Variants in FASTKD2 observed in about 807,000 individuals in gnomAD.
FASTKD2 encodes the protein FAST kinase domain-containing protein 2, mitochondrial.
In FASTKD2, 51 loss-of-function variants were observed where a neutral mutation model predicts 63.6. The ratio of observed to expected loss-of-function variants is 0.80; its 90% CI spans 0.64 to 1.01. FASTKD2 has a LOEUF of 1.01. Ranked by LOEUF, FASTKD2 falls within the 50% of genes least tolerant of loss-of-function variation. The probability of loss-of-function intolerance (pLI) is 0.00; values close to 1 mark genes in which losing one functional copy is unlikely to be tolerated. For missense variants in FASTKD2, 786 were observed against 831.1 expected (o/e 0.95, Z 0.67); for synonymous variants, 284 against 293.4 (o/e 0.97, Z 0.33).
At chr2:206,773,664 A>G (rs890442608) in intron 6 of FASTKD2, among the ~76,000 whole-genome samples, 3 of 152,216 alleles carry the variant, frequency 2.0e-5, no homozygotes, top group Admixed American at 6.5e-5. Context: ...AATTGGTTAT[A>G]GAAAGAGAAG....
At chr2:206,790,989 T>C in intron 11 of FASTKD2, 1 of 323,822 alleles carries the variant, frequency 3.1e-6, no homozygotes, top group Non-Finnish European at 5.9e-6. Context: ...CACAAAACCA[T>C]ATTTAATTTC....
chr2:206,770,220 A>G (rs759602973), intron 3 of FASTKD2, 26 bp downstream of exon 3: 47 of 1,390,042 alleles, frequency 3.4e-5, no homozygotes, highest in Non-Finnish European at 4.3e-5. Flanking sequence ...TGCTTTCTTC[A>G]TGTGGTTTTC....
At chr2:206,785,362 A>C (rs953946023) in intron 7 of FASTKD2, among the ~76,000 whole-genome samples, 3 of 152,148 alleles carry the variant, frequency 2.0e-5, no homozygotes, top group Middle Eastern at 3.2e-3. Flanking sequence ...GGGTCAGGGG[A>C]TATCAGGCAG....
chr2:206,781,301 A>G (rs996207604), intron 7 of FASTKD2, among the ~76,000 whole-genome samples: 5 of 83,564 alleles, frequency 6.0e-5, no homozygotes, highest in Non-Finnish European at 1.2e-4. Flanking sequence ...AACTTTTTCT[A>G]TGATTTTTTT....
intron 11 of FASTKD2, chr2:206,790,925 A>G (rs1011222769): frequency 4.3e-6 from 2 of 464,560 alleles, no homozygotes; most frequent in African/African-American, 3.9e-5. Context: ...GTCAGCTTTA[A>G]TCCTTTTTTG....
chr2:206,768,977 C>G (rs1689597681), intron 2 of FASTKD2, among the ~76,000 whole-genome samples: 3 of 152,098 alleles, frequency 2.0e-5, no homozygotes, highest in South Asian at 4.1e-4. Context: ...ATCACCTTAC[C>G]TGGTCAGTGA....
intron 5 of FASTKD2, 72 bp downstream of exon 5, chr2:206,772,089 A>C: frequency 3.1e-6 from 5 of 1,600,858 alleles, no homozygotes; most frequent in Non-Finnish European, 4.3e-6. Flanking sequence ...TTTTGTTTTA[A>C]AAACTTTGCT....
chr2:206,772,258 G>A lies in FASTKD2; in HGVS notation c.1192G>A (p.Asp398Asn). The change falls in exon 6 of 12, where the codon GAT (aspartate) becomes AAT (asparagine). Residue 398 changes from aspartate to asparagine, a missense_variant. By Grantham distance (23) the Asp-to-Asn change is conservative. Coordinates refer to ENST00000402774, the MANE Select transcript of FASTKD2 (RefSeq NM_001136193.2). ...SCKDLQYHNLDLFKGLADYVA... is the reference protein window; with the variant it reads ...SCKDLQYHNLNLFKGLADYVA... ...CAAAGACCTCCAGTACCATAATTTG[G>A]ATCTCTTCAAGGGACTTGCAGATTA... The A allele has an allele frequency of 6.2e-7, 1 of 1,613,896 alleles. No homozygotes were observed. Among genetic ancestry groups the A allele is most frequent in the Non-Finnish European group, 8.5e-7 (1 of 1,179,808 alleles).
At chr2:206,791,614 G>A in intron 11 of FASTKD2, 69 bp from the exon 12 acceptor site, 1 of 1,448,484 alleles carries the variant, frequency 6.9e-7, no homozygotes, top group East Asian at 2.3e-5. Flanking sequence ...TACTATGTTT[G>A]GATCTCTAAA....
rs919510521 is a variant in FASTKD2 at position 206,793,977 on chromosome 2, G to A, written c.*2175G>A. On this transcript the variant is annotated 3_prime_UTR_variant, in exon 12 of 12. Coordinates refer to ENST00000402774, the MANE Select transcript of FASTKD2 (RefSeq NM_001136193.2). The stretch of plus-strand genomic sequence containing the variant: ...AGGCAAGCACTTGCATAAGCTGTTG[G>A]TAGACTGTAAATTAATACCTTTCTG... Among the ~76,000 whole-genome samples, 3 of 152,152 alleles carry A rather than the reference G, an allele frequency of 2.0e-5. No individual in the cohort carries two copies. Among genetic ancestry groups the A allele is most frequent in the Non-Finnish European group, 4.4e-5 (3 of 68,032 alleles).
At chr2:206,773,052 C>T (rs1056632095) in intron 6 of FASTKD2, among the ~76,000 whole-genome samples, 11 of 152,076 alleles carry the variant, frequency 7.2e-5, no homozygotes, top group African/African-American at 1.9e-4. Flanking sequence ...CGGTGGCTCA[C>T]GCCTGTAATC....
intron 2 of FASTKD2, 148 bp downstream of exon 2, chr2:206,767,618 T>C (rs1177447148): frequency 1.6e-5 from 11 of 699,968 alleles, no homozygotes; most frequent in Non-Finnish European, 1.9e-5. Flanking sequence ...ATATATTATA[T>C]GATTTAGAGG....
chr2:206,782,506 G>A (rs1360429655), intron 7 of FASTKD2, among the ~76,000 whole-genome samples: 3 of 152,152 alleles, frequency 2.0e-5, no homozygotes, highest in Non-Finnish European at 2.9e-5. Context: ...TTTAACCACA[G>A]CCATGCATTC....
rs1250926841 is a variant in FASTKD2 at position 206,771,337 on chromosome 2, T to C, written c.990+47T>C. 2.7e-6 allele frequency: 3 copies of C among 1,122,656 alleles called. No homozygotes were observed. In the African/African-American group the frequency reaches 4.6e-5, roughly 17 times the overall value. 69.5% of individuals were successfully genotyped at this position (1,122,656 alleles called of 1,614,324 possible). A position where few individuals can be genotyped will look rare whatever the true frequency, so the allele number is the denominator to read the frequency against. ...AGTGGATGAGATTTGAAAAAATCTT[T>C]CTTATAACCTGCTATCACTGCCTGA... On this transcript the variant is annotated intron_variant, in intron 4 of 11. Coordinates refer to ENST00000402774, the MANE Select transcript of FASTKD2 (RefSeq NM_001136193.2).
rs961073232 is a variant in FASTKD2, at chr2:206,792,789, C to A, written c.*987C>A. ...TGTGCTGCCTTTTCATGATCTGAAC[C>A]CTTTGAGGTGTAGCTGCTATTATGA... On this transcript the variant is annotated 3_prime_UTR_variant, in exon 12 of 12. Transcript: ENST00000402774. Among the ~76,000 whole-genome samples, 7 of 152,102 alleles carry A rather than the reference C, an allele frequency of 4.6e-5. No individual in the cohort carries two copies. Among genetic ancestry groups the A allele is most frequent in the Non-Finnish European group, 7.4e-5 (5 of 68,014 alleles).
In FASTKD2 at chr2:206,795,158, G is replaced by A. The variant is rs993464035; in HGVS notation, c.*3356G>A. Among the ~76,000 whole-genome samples, 9 of 152,204 alleles carry A rather than the reference G, an allele frequency of 5.9e-5. No individual in the cohort carries two copies. The highest frequency in any genetic ancestry group is 8.8e-5 in the Non-Finnish European group (6 of 68,034). On this transcript the variant is annotated 3_prime_UTR_variant, in exon 12 of 12. Transcript: ENST00000402774. ...ACCATCAGACTCCACCCTGTTTTGC[G>A]CTGACTTGTAGGGAGACCTAGGTGT...
Position 206,788,170 on chromosome 2 carries a change from A to G in FASTKD2, c.1813+15A>G, listed in dbSNP as rs1313691181. Reference sequence around the variant, plus strand: ...TTATCATATTGGTATGGGACATTATATGATTTCCTTTCATTTTATTGTATT... The same window carrying G: ...TTATCATATTGGTATGGGACATTATGTGATTTCCTTTCATTTTATTGTATT... On this transcript the variant is annotated intron_variant, in intron 9 of 11. Coordinates refer to ENST00000402774, the MANE Select transcript of FASTKD2 (RefSeq NM_001136193.2). 1 of 1,505,784 alleles carries G rather than the reference A, an allele frequency of 6.6e-7. No homozygotes were observed. Among genetic ancestry groups the G allele is most frequent in the African/African-American group, 1.4e-5 (1 of 72,562 alleles). The allele number at this position is 1,505,784 out of a possible 1,614,324, so 93.3% of individuals were successfully genotyped here. A position where few individuals can be genotyped will look rare whatever the true frequency, so the allele number is the denominator to read the frequency against.
At chr2:206,785,253 T>C (rs1368105679) in intron 7 of FASTKD2, among the ~76,000 whole-genome samples, 4 of 152,116 alleles carry the variant, frequency 2.6e-5, no homozygotes, top group African/African-American at 4.8e-5. Context: ...GAGCTACAAT[T>C]CAAAATGAGA....
intron 7 of FASTKD2, among the ~76,000 whole-genome samples, chr2:206,781,847 CT>C (rs1465872110): frequency 6.6e-6 from 1 of 151,908 alleles, no homozygotes; most frequent in African/African-American, 2.4e-5. Flanking sequence ...TACTTAACTG[CT>C]CCTGAGCATT....
Sources: allele counts gnomAD v4.1 joint callset (sites outside exome capture counted in the v4.1 genomes callset), GRCh38; gene constraint gnomAD v4.1.1; transcripts MANE v1.5; gene names NCBI Gene and HGNC (gene_info 2026-07-23, HGNC 2026-07-21).